LDB2: variants seen among roughly 807,000 people sequenced by gnomAD.
The protein encoded by LDB2 is LIM domain-binding protein 2.
Under a neutral mutation model 44.3 loss-of-function variants are expected in LDB2, and 12 were observed. That is an observed-to-expected ratio of 0.27 (90% CI 0.17 to 0.44). The LOEUF (loss-of-function observed/expected upper bound fraction) is 0.44, where lower values mean the gene tolerates loss of function less well. LDB2 is among the 20% of genes least tolerant of loss of function. The pLI is 1.00. For missense variants in LDB2, 344 were observed against 473.5 expected, an observed-to-expected ratio of 0.73 and a Z score of 2.54; for synonymous variants, 164 against 174.8, an observed-to-expected ratio of 0.94 and a Z score of 0.49.
intron 5 of LDB2, among the ~76,000 whole-genome samples, chr4:16,525,362 T>C (rs751872973): frequency 4.6e-5 from 7 of 152,226 alleles, no homozygotes; most frequent in Non-Finnish European, 1.0e-4. Flanking sequence ...AGCTCTGCTC[T>C]GACGCAAAGG....
At chr4:16,555,146 A>T (rs1210453687) in intron 5 of LDB2, among the ~76,000 whole-genome samples, 4 of 151,838 alleles carry the variant, frequency 2.6e-5, no homozygotes, top group African/African-American at 9.7e-5. Flanking sequence ...AGAAAAAAAA[A>T]TACTGATGTC....
intron 2 of LDB2, among the ~76,000 whole-genome samples, chr4:16,744,286 A>G (rs1807373): frequency 0.066 from 10,001 of 151,432 alleles, 1,081 homozygotes; most frequent in African/African-American, 0.23. Context: ...CCTCCCGAGT[A>G]ATTGGGATTA....
At chr4:16,634,903 A>G (rs1229351122) in intron 2 of LDB2, among the ~76,000 whole-genome samples, 1 of 152,236 alleles carries the variant, frequency 6.6e-6, no homozygotes, top group Non-Finnish European at 1.5e-5. Context: ...GATGTCCATC[A>G]ATGATAGACT....
At chr4:16,520,112 C>T (rs1725424723) in intron 5 of LDB2, among the ~76,000 whole-genome samples, 2 of 151,122 alleles carry the variant, frequency 1.3e-5, no homozygotes, top group South Asian at 4.2e-4. Flanking sequence ...AACTCCACAG[C>T]CAGGTTTTTT....
At chr4:16,739,673 T>TATATATATAC (rs1762734876) in intron 2 of LDB2, among the ~76,000 whole-genome samples, 1 of 84,758 alleles carries the variant, frequency 1.2e-5, no homozygotes, top group South Asian at 3.2e-4. Context: ...TATATATACA[T>TATATATATAC]ATGTGTGTAT....
chr4:16,811,704 A>C (rs1019480262), intron 1 of LDB2, among the ~76,000 whole-genome samples: 3 of 152,246 alleles, frequency 2.0e-5, no homozygotes, highest in African/African-American at 7.2e-5. Flanking sequence ...ACACGTGTCA[A>C]CTTATCTCTA....
At chr4:16,821,951 A>C (rs1782166914) in intron 1 of LDB2, among the ~76,000 whole-genome samples, 1 of 151,878 alleles carries the variant, frequency 6.6e-6, no homozygotes. Context: ...GAATGTTCAC[A>C]CTCACTTTTT....
At chr4:16,612,391 A>C (rs761666554) in intron 2 of LDB2, among the ~76,000 whole-genome samples, 1 of 152,102 alleles carries the variant, frequency 6.6e-6, no homozygotes, top group African/African-American at 2.4e-5. Flanking sequence ...AGACAGAGAC[A>C]CGAAAAATCC....
At chr4:16,890,354 G>A (rs190987184) in intron 1 of LDB2, among the ~76,000 whole-genome samples, 2 of 152,188 alleles carry the variant, frequency 1.3e-5, no homozygotes, top group Non-Finnish European at 2.9e-5. Flanking sequence ...GATGGAAAGG[G>A]GGGGCACGGA....
rs932504278 is a variant in LDB2, at chr4:16,764,527, A to G, written c.133-5267T>C. On this transcript the variant is annotated intron_variant, in intron 1 of 7. Transcript: ENST00000304523. ...TTATGAGTTATGGACAATCACTACAAAAAAAAAAAAAAATCATTCCCTCCA... is the reference window on the plus strand; with the variant it reads ...TTATGAGTTATGGACAATCACTACAGAAAAAAAAAAAAATCATTCCCTCCA... Among the ~76,000 whole-genome samples the G allele has an allele frequency of 5.7e-5, 6 of 105,566 alleles. No homozygotes were observed. In the South Asian group the frequency reaches 1.2e-3, roughly 21 times the overall value. The allele number at this position is 105,566 out of a possible 152,430, so 69.3% of individuals were successfully genotyped here.
intron 1 of LDB2, among the ~76,000 whole-genome samples, chr4:16,768,348 T>A (rs947679746): frequency 6.6e-6 from 1 of 152,202 alleles, no homozygotes; most frequent in Admixed American, 6.5e-5. Context: ...TACTCTCTTG[T>A]ACACACACAT....
intron 2 of LDB2, among the ~76,000 whole-genome samples, chr4:16,691,858 G>T (rs1268775645): frequency 6.6e-6 from 1 of 152,088 alleles, no homozygotes. Flanking sequence ...CTTCTGTTAA[G>T]GACTCCTTCT....
At chr4:16,760,569 G>A (rs1048539605) in intron 1 of LDB2, among the ~76,000 whole-genome samples, 1 of 152,098 alleles carries the variant, frequency 6.6e-6, no homozygotes, top group African/African-American at 2.4e-5. Flanking sequence ...AAAGTACTCT[G>A]CTTTTTCTCC....
intron 5 of LDB2, among the ~76,000 whole-genome samples, chr4:16,579,327 A>T (rs1713298701): frequency 6.6e-6 from 1 of 152,204 alleles, no homozygotes; most frequent in Non-Finnish European, 1.5e-5. Context: ...TGAAAATTTT[A>T]AAATTTTAAC....
intron 1 of LDB2, among the ~76,000 whole-genome samples, chr4:16,793,180 G>A (rs1048508198): frequency 2.0e-5 from 3 of 152,218 alleles, no homozygotes; most frequent in Non-Finnish European, 4.4e-5. Context: ...CAAAAGGGAA[G>A]CAGCTGAAAA....
intron 5 of LDB2, among the ~76,000 whole-genome samples, chr4:16,526,320 T>C (rs1335721435): frequency 1.3e-5 from 2 of 152,224 alleles, no homozygotes; most frequent in Admixed American, 1.3e-4. Context: ...CTTTGGATTC[T>C]AGCACTAGGC....
At chr4:16,850,318 C>T (rs896728728) in intron 1 of LDB2, among the ~76,000 whole-genome samples, 5 of 152,120 alleles carry the variant, frequency 3.3e-5, no homozygotes, top group Non-Finnish European at 5.9e-5. Flanking sequence ...ATTAGCTGAA[C>T]CTCCTTGAAC....
chr4:16,590,983 G>A (rs1718732501), intron 3 of LDB2, among the ~76,000 whole-genome samples: 1 of 152,192 alleles, frequency 6.6e-6, no homozygotes, highest in Non-Finnish European at 1.5e-5. Context: ...CGGCATGACA[G>A]AAGCCACCTG....
At chr4:16,722,620 T>C (rs1275626665) in intron 2 of LDB2, among the ~76,000 whole-genome samples, 1 of 152,126 alleles carries the variant, frequency 6.6e-6, no homozygotes, top group Non-Finnish European at 1.5e-5. Context: ...GTGAGTATGG[T>C]TTAAATTCTT....
Sources: gnomAD v4.1 joint callset for allele counts (sites outside exome capture counted in the v4.1 genomes callset) on GRCh38, gnomAD v4.1.1 for gene constraint, MANE v1.5 for transcripts, NCBI Gene and HGNC (gene_info 2026-07-23, HGNC 2026-07-21) for gene names.